CNTN3: variants seen among roughly 807,000 people sequenced by gnomAD.
CNTN3 encodes contactin 3.
Under a neutral mutation model 119.1 loss-of-function variants are expected in CNTN3, and 60 were observed. The ratio of observed to expected loss-of-function variants is 0.50; its 90% CI spans 0.41 to 0.62. The LOEUF (loss-of-function observed/expected upper bound fraction) is 0.62, where lower values mean the gene tolerates loss of function less well. Among genes scored for constraint, CNTN3 ranks in the 20% least tolerant of loss-of-function variants. The pLI, the probability that CNTN3 is intolerant of heterozygous loss-of-function variation, is 0.00. For synonymous variants in CNTN3, 450 were observed against 438.7 expected (o/e 1.03, Z -0.32); for missense variants, 1,101 against 1,242.4 (o/e 0.89, Z 1.71).
intron 4 of CNTN3, among the ~76,000 whole-genome samples, chr3:74,469,388 A>G (rs184162353): frequency 1.4e-4 from 21 of 152,324 alleles, no homozygotes; most frequent in Non-Finnish European, 5.9e-5. Flanking sequence ...GACTCCAGAG[A>G]TTTAAAGAGA....
intron 2 of CNTN3, among the ~76,000 whole-genome samples, chr3:74,517,872 C>A (rs1469520878): frequency 6.6e-6 from 1 of 151,954 alleles, no homozygotes; most frequent in Non-Finnish European, 1.5e-5. Context: ...GATACCCACC[C>A]CTTGTGAATA....
At chr3:74,415,551 A>G (rs77082640) in intron 5 of CNTN3, among the ~76,000 whole-genome samples, 6 of 152,188 alleles carry the variant, frequency 3.9e-5, no homozygotes, top group African/African-American at 1.4e-4. Context: ...ACATACACAC[A>G]TATCATCCTA....
chr3:74,452,203 T>C (rs1362833235), intron 4 of CNTN3, among the ~76,000 whole-genome samples: 5 of 142,606 alleles, frequency 3.5e-5, no homozygotes, highest in African/African-American at 1.3e-4. Flanking sequence ...AGCAGTGGTT[T>C]GTAGTTCTCC....
intron 4 of CNTN3, among the ~76,000 whole-genome samples, chr3:74,446,662 T>C (rs1165024169): frequency 6.8e-6 from 1 of 146,516 alleles, no homozygotes; most frequent in Non-Finnish European, 1.5e-5. Context: ...ATAAAATATA[T>C]TATTCAAGTT....
At chr3:74,432,579 T>C (rs975036630) in intron 4 of CNTN3, among the ~76,000 whole-genome samples, 3 of 152,174 alleles carry the variant, frequency 2.0e-5, no homozygotes. Flanking sequence ...CATTAAAGCA[T>C]GCCCACTACA....
intron 4 of CNTN3, among the ~76,000 whole-genome samples, chr3:74,427,612 G>C (rs558468450): frequency 2.0e-5 from 3 of 151,966 alleles, no homozygotes; most frequent in African/African-American, 7.3e-5. Flanking sequence ...AGATGATAAA[G>C]AACACCTACA....
At chr3:74,421,553 T>C (rs1701616744) in intron 5 of CNTN3, among the ~76,000 whole-genome samples, 1 of 152,198 alleles carries the variant, frequency 6.6e-6, no homozygotes, top group African/African-American at 2.4e-5. Context: ...ATAAATAAAA[T>C]ATGATTGTAT....
At chr3:74,508,346 T>C (rs764129400) in intron 2 of CNTN3, among the ~76,000 whole-genome samples, 1 of 152,146 alleles carries the variant, frequency 6.6e-6, no homozygotes, top group Non-Finnish European at 1.5e-5. Context: ...CTCTTCTCTT[T>C]ATAAATTACC....
In CNTN3 at chr3:74,480,131, G is replaced by T. The variant is rs186472237; in HGVS notation, c.358+6325C>A. 1.7e-3 allele frequency among the ~76,000 whole-genome samples: 256 copies of T among 152,174 alleles called. 2 individuals carry two copies. The highest frequency in any genetic ancestry group is 5.9e-3 in the African/African-American group (244 of 41,558). On this transcript the variant is annotated intron_variant, in intron 4 of 22. Coordinates refer to ENST00000263665, the MANE Select transcript of CNTN3 (RefSeq NM_020872.3). Reference sequence around the variant, plus strand: ...ATCCTATAATAACATGGCCTAAGCTGATGCTTATTCAAATATGAATCAACT... The same window carrying T: ...ATCCTATAATAACATGGCCTAAGCTTATGCTTATTCAAATATGAATCAACT...
At chr3:74,592,388 G>C (rs529819409) in intron 1 of CNTN3, among the ~76,000 whole-genome samples, 22 of 151,912 alleles carry the variant, frequency 1.4e-4, no homozygotes, top group Middle Eastern at 3.4e-3. Flanking sequence ...GATTTATGTA[G>C]ACAGCAGCTT....
intron 4 of CNTN3, among the ~76,000 whole-genome samples, chr3:74,460,454 ATTTCT>A (rs1210053167): frequency 1.3e-5 from 2 of 151,736 alleles, no homozygotes; most frequent in Non-Finnish European, 1.5e-5. Flanking sequence ...GTCTTCTTTG[ATTTCT>A]TTTGTCAGCT....
intron 4 of CNTN3, among the ~76,000 whole-genome samples, chr3:74,482,716 G>A (rs904714980): frequency 1.3e-5 from 2 of 152,080 alleles, no homozygotes; most frequent in Non-Finnish European, 2.9e-5. Context: ...CAGCTAAATT[G>A]AACAATTAGA....
chr3:74,359,806 T>G (rs1364104435), intron 11 of CNTN3, among the ~76,000 whole-genome samples: 1 of 150,888 alleles, frequency 6.6e-6, no homozygotes, highest in Non-Finnish European at 1.5e-5. Context: ...GGAAATAATC[T>G]CTATTTAATT....
intron 5 of CNTN3, among the ~76,000 whole-genome samples, chr3:74,423,086 A>G (rs937997840): frequency 6.6e-6 from 1 of 152,214 alleles, no homozygotes; most frequent in African/African-American, 2.4e-5. Flanking sequence ...AATGGAGGCA[A>G]TATGGAGAGA....
At chr3:74,536,205 A>C (rs545848377) in intron 1 of CNTN3, among the ~76,000 whole-genome samples, 1 of 152,132 alleles carries the variant, frequency 6.6e-6, no homozygotes, top group Admixed American at 6.6e-5. Context: ...TTTGCAACAA[A>C]TGTTCAGAGG....
intron 2 of CNTN3, 78 bp from the exon 3 acceptor site, chr3:74,499,863 A>C: frequency 7.1e-7 from 1 of 1,408,876 alleles, no homozygotes; most frequent in East Asian, 2.3e-5. Flanking sequence ...TATTGAAGAA[A>C]ACAAGGAACT....
intron 19 of CNTN3, among the ~76,000 whole-genome samples, chr3:74,294,815 T>C (rs1459612746): frequency 6.6e-6 from 1 of 152,188 alleles, no homozygotes; most frequent in African/African-American, 2.4e-5. Context: ...AAGTACTCTA[T>C]GAACTTGATA....
At chr3:74,407,693 G>C (rs139080317) in intron 5 of CNTN3, among the ~76,000 whole-genome samples, 1 of 152,144 alleles carries the variant, frequency 6.6e-6, no homozygotes, top group Non-Finnish European at 1.5e-5. Context: ...GGTGAGTACA[G>C]TGACAGATGC....
Position 74,568,625 on chromosome 3 carries a change from C to T in CNTN3, c.-81+45766G>A, listed in dbSNP as rs193278553. On this transcript the variant is annotated intron_variant, in intron 1 of 22. Transcript: ENST00000263665. Reference sequence around the variant, plus strand: ...CAAGGCCTACCTCAACCCATCTCTGCCTATAAGTGGTAGATGTAACTACTA... The same window carrying T: ...CAAGGCCTACCTCAACCCATCTCTGTCTATAAGTGGTAGATGTAACTACTA... 5.4e-4 allele frequency among the ~76,000 whole-genome samples: 82 copies of T among 152,270 alleles called. 3 individuals are homozygous for T. The South Asian group carries it at 0.013, about 25-fold the overall frequency.
Sources: gnomAD v4.1 joint callset for allele counts (sites outside exome capture counted in the v4.1 genomes callset) on GRCh38, gnomAD v4.1.1 for gene constraint, MANE v1.5 for transcripts, NCBI Gene and HGNC (gene_info 2026-07-23, HGNC 2026-07-21) for gene names.